The following ANKRD26 variants were observed in gnomAD, a reference collection of about 807,000 sequenced individuals.
ANKRD26 encodes the protein ankyrin repeat domain 26.
Under a neutral mutation model 208.7 loss-of-function variants are expected in ANKRD26, and 141 were observed. That is an observed-to-expected ratio of 0.68 (90% CI 0.59 to 0.78). The LOEUF is 0.78. Among genes scored for constraint, ANKRD26 ranks in the 30% least tolerant of loss-of-function variants. ANKRD26 has a pLI of 0.00. For missense variants in ANKRD26, 1,889 were observed against 1,938.7 expected, an observed-to-expected ratio of 0.97 and a Z score of 0.48; for synonymous variants, 636 against 660.4, an observed-to-expected ratio of 0.96 and a Z score of 0.57.
downstream of ANKRD26, among the ~76,000 whole-genome samples, chr10:26,987,395 C>T (rs1192502953): frequency 1.3e-5 from 2 of 152,152 alleles, no homozygotes; most frequent in African/African-American, 2.4e-5. Context: ...CAAACCTGCA[C>T]GTTATGCACA....
chr10:27,025,533 T>C (rs998244572), intron 27 of ANKRD26, among the ~76,000 whole-genome samples: 1 of 152,182 alleles, frequency 6.6e-6, no homozygotes, highest in Non-Finnish European at 1.5e-5. Context: ...CTTGTCTTCT[T>C]TTATACTAAA....
intron 13 of ANKRD26, 66 bp from the exon 14 acceptor site, chr10:27,060,606 G>T: frequency 8.4e-7 from 1 of 1,183,620 alleles, no homozygotes; most frequent in Non-Finnish European, 1.2e-6. Context: ...ATAAATTCAT[G>T]CAGTGTTAGT....
chr10:27,050,219 CAAAAA>C (rs67384671), intron 16 of ANKRD26, among the ~76,000 whole-genome samples: 8 of 33,042 alleles, frequency 2.4e-4, no homozygotes, highest in East Asian at 2.4e-3. Flanking sequence ...GAATCTGTCT[CAAAAA>C]AAAAAAAAAA....
chr10:26,982,241 A>G (rs983543203), intron 4 of ANKRD26, among the ~76,000 whole-genome samples: 8 of 152,146 alleles, frequency 5.3e-5, no homozygotes, highest in Admixed American at 4.6e-4. Flanking sequence ...TTGGGCCCCA[A>G]AGGTAATTTT....
At chr10:27,037,114 G>A in intron 23 of ANKRD26, 72 bp downstream of exon 23, 1 of 1,495,278 alleles carries the variant, frequency 6.7e-7, no homozygotes. Flanking sequence ...TATATAGTTG[G>A]TTTTTAAAAT....
rs1160473860 is a variant in ANKRD26 at position 27,035,324 on chromosome 10, A to G, written c.3126T>C (p.Ser1042=). ...LAFQRARDEC[S]RLQDKMNFDV... ...CAAAATTCATTTTGTCCTGTAAACG[A>G]GAACATTCATCTCTTGCTCTCTGGA... is the stretch of plus-strand genomic sequence containing the variant. The change falls in exon 24 of 34, where the codon TCT becomes TCC. Residue 1042 remains serine, a synonymous_variant. Coordinates refer to ENST00000376087, the MANE Select transcript of ANKRD26 (RefSeq NM_014915.3). 6.2e-7 allele frequency: 1 copy of G among 1,613,992 alleles called. No homozygotes were observed. The highest frequency in any genetic ancestry group is 2.2e-5 in the East Asian group (1 of 44,870).
intron 9 of ANKRD26, among the ~76,000 whole-genome samples, chr10:27,069,544 A>G (rs1284255146): frequency 6.6e-6 from 1 of 152,126 alleles, no homozygotes; most frequent in African/African-American, 2.4e-5. Flanking sequence ...CCTGAGCTCA[A>G]GTGATCCACC....
chr10:27,012,793 C>T, intron 32 of ANKRD26, 89 bp downstream of exon 32: 1 of 1,319,982 alleles, frequency 7.6e-7, no homozygotes, highest in South Asian at 1.2e-5. Flanking sequence ...GCCTGGACAA[C>T]AGAGTAAAAC....
Position 27,083,986 on chromosome 10 carries a change from G to A in ANKRD26, c.710-1153C>T, listed in dbSNP as rs556609251. The stretch of plus-strand genomic sequence containing the variant: ...TCCCAGCACTTTGGGAGGCTGAGGC[G>A]GGCAGAACATGAGGCCAGGAGTTCA... On this transcript the variant is annotated intron_variant, in intron 5 of 33. Transcript: ENST00000376087. Among the ~76,000 whole-genome samples the A allele has an allele frequency of 1.2e-4, 18 of 152,222 alleles. No individual in the cohort carries two copies. The East Asian group carries it at 2.5e-3, about 21-fold the overall frequency.
chr10:26,972,038 ATCC>A (rs755661860), downstream of ANKRD26, among the ~76,000 whole-genome samples: 56 of 152,232 alleles, frequency 3.7e-4, no homozygotes, highest in Non-Finnish European at 5.4e-4. Context: ...GATCGAGACC[ATCC>A]TGGCTAACAC....
chr10:27,035,743 T>C lies in ANKRD26; in HGVS notation c.2707A>G (p.Ser903Gly), dbSNP rs754265778. 4 of 1,603,356 alleles carry C rather than the reference T, an allele frequency of 2.5e-6. No homozygotes were observed. In the African/African-American group the frequency reaches 4.0e-5, roughly 16 times the overall value. The stretch of plus-strand genomic sequence containing the variant: ...GATAGGTCTTTTTCTTCTTCATGAC[T>C]ATGAGAATTCTAAGTAAAACAAAGG... ...QKKMNSENSH[S>G]HEEEKDLSHK... The change falls in exon 24 of 34, where the codon AGT becomes GGT. Residue 903 changes from serine to glycine, a missense_variant. Around this residue, in one of 3 missense-constraint regions of ANKRD26, gnomAD observed 1,272 missense variants for 1,273.8 expected, o/e 1.00. Coordinates refer to ENST00000376087, the MANE Select transcript of ANKRD26 (RefSeq NM_014915.3).
At chr10:26,982,721 C>T (rs1284238671) in exon 4 of ANKRD26, among the ~76,000 whole-genome samples, 2 of 152,158 alleles carry the variant, frequency 1.3e-5, no homozygotes, top group Admixed American at 1.3e-4. Context: ...TATGCTACTG[C>T]CTCCTCAGTT....
chr10:26,960,844 C>T, the ANKRD26 span, among the ~76,000 whole-genome samples: 1 of 152,088 alleles, frequency 6.6e-6, no homozygotes, highest in African/African-American at 2.4e-5. Flanking sequence ...CTGAAGTTAC[C>T]CTTCCTGCAG....
At position 27,093,750 on chromosome 10, in the gene ANKRD26, G is replaced by C. The variant is rs1264607735; in HGVS notation, c.292C>G (p.Leu98Val). The change falls in exon 2 of 34, where the codon CTC becomes GTC. Residue 98 changes from leucine to valine, a missense_variant. Around this residue, in one of 3 missense-constraint regions of ANKRD26, gnomAD observed 1,272 missense variants for 1,273.8 expected, o/e 1.00. Coordinates refer to ENST00000376087, the MANE Select transcript of ANKRD26 (RefSeq NM_014915.3). ...AGCTGGCATTTTCTGTCCACCAGGA[G>C]AGTTACTACTTCTGGATGACCATTG... ...CANGHPEVVT[L>V]LVDRKCQLNV... 1.2e-6 allele frequency: 2 copies of C among 1,614,244 alleles called. No individual in the cohort carries two copies. The highest frequency in any genetic ancestry group is 3.3e-5 in the Admixed American group (2 of 60,024).
At chr10:26,975,797 G>T in exon 6 of ANKRD26, among the ~76,000 whole-genome samples, 1 of 151,862 alleles carries the variant, frequency 6.6e-6, no homozygotes, top group East Asian at 1.9e-4. Flanking sequence ...AGCCCAGATT[G>T]CCCCACTGCA....
At chr10:27,021,536 T>G (rs2053488707) in intron 29 of ANKRD26, among the ~76,000 whole-genome samples, 1 of 152,174 alleles carries the variant, frequency 6.6e-6, no homozygotes, top group Non-Finnish European at 1.5e-5. Flanking sequence ...TCCCTGATGA[T>G]TAGTGATGTT....
At chr10:27,067,084 G>A (rs578157403) in intron 10 of ANKRD26, 73 bp downstream of exon 10, 2 of 1,539,514 alleles carry the variant, frequency 1.3e-6, no homozygotes, top group Non-Finnish European at 1.8e-6. Flanking sequence ...TGGGATCACA[G>A]GTGTGAGCCA....
intron 9 of ANKRD26, among the ~76,000 whole-genome samples, chr10:27,074,440 G>T (rs971895978): frequency 6.6e-6 from 1 of 152,212 alleles, no homozygotes; most frequent in African/African-American, 2.4e-5. Flanking sequence ...CAGCACTTTG[G>T]GAGGCCAAGG....
chr10:26,990,365 A>C (rs1298897161), downstream of ANKRD26, among the ~76,000 whole-genome samples: 1 of 152,094 alleles, frequency 6.6e-6, no homozygotes, highest in African/African-American at 2.4e-5. Flanking sequence ...GATTTAACCA[A>C]GTGTAGAAAA....
Sources: allele counts gnomAD v4.1 joint callset (sites outside exome capture counted in the v4.1 genomes callset), GRCh38; gene constraint gnomAD v4.1.1; regional missense constraint gnomAD v4.1.1; transcripts MANE v1.5; gene names NCBI Gene and HGNC (gene_info 2026-07-23, HGNC 2026-07-21).